Variants in NCALD observed in about 807,000 individuals in gnomAD.
The protein encoded by NCALD is neurocalcin-delta.
Under a neutral mutation model 18.6 loss-of-function variants are expected in NCALD, and 10 were observed. The observed-to-expected ratio is 0.54, with a 90% CI of 0.33 to 0.91. NCALD has a LOEUF of 0.91. NCALD is among the 40% of genes least tolerant of loss of function. The pLI, the probability that NCALD is intolerant of heterozygous loss-of-function variation, is 0.03. For missense variants in NCALD, 184 were observed against 247.6 expected (o/e 0.74, Z 1.72); for synonymous variants, 88 against 87.4 (o/e 1.01, Z -0.04).
chr8:101,715,272 C>T (rs1816021931), intron 2 of NCALD, among the ~76,000 whole-genome samples: 1 of 152,090 alleles, frequency 6.6e-6, no homozygotes, highest in South Asian at 2.1e-4. Flanking sequence ...AACTGGCTAG[C>T]CATATGCAGA....
intron 1 of NCALD, among the ~76,000 whole-genome samples, chr8:101,776,770 A>G (rs372204288): frequency 5.3e-5 from 8 of 152,194 alleles, no homozygotes; most frequent in East Asian, 1.9e-4. Context: ...GTACATTTGC[A>G]AAGAAGACTG....
At chr8:101,919,266 A>G (rs2131639999) in intron 2 of NCALD, among the ~76,000 whole-genome samples, 2 of 152,336 alleles carry the variant, frequency 1.3e-5, no homozygotes, top group East Asian at 3.9e-4. Context: ...GTCAACAAAA[A>G]GAAGCATCGG....
intron 2 of NCALD, among the ~76,000 whole-genome samples, chr8:101,925,578 G>A (rs980386445): frequency 2.0e-5 from 3 of 151,938 alleles, no homozygotes; most frequent in Non-Finnish European, 4.4e-5. Flanking sequence ...ATTTATTTAT[G>A]GCTGTCTCAC....
intron 2 of NCALD, among the ~76,000 whole-genome samples, chr8:101,700,118 T>C (rs4734585): frequency 0.46 from 69,968 of 151,518 alleles, 17,790 homozygotes; most frequent in African/African-American, 0.66. Context: ...TGGAGTGCAG[T>C]GATGCTATCA....
intron 1 of NCALD, among the ~76,000 whole-genome samples, chr8:102,037,504 A>T (rs1266769623): frequency 6.6e-6 from 1 of 152,034 alleles, no homozygotes; most frequent in African/African-American, 2.4e-5. Flanking sequence ...GTGTGTAGAT[A>T]GACATAATAC....
At chr8:101,764,606 A>G (rs1811267850) in intron 1 of NCALD, among the ~76,000 whole-genome samples, 3 of 152,102 alleles carry the variant, frequency 2.0e-5, no homozygotes, top group Admixed American at 2.0e-4. Context: ...GGAAAATGGG[A>G]TAGTTGTTGG....
upstream of NCALD, chr8:102,124,454 G>A (rs2132502109): frequency 1.3e-5 from 2 of 151,964 alleles, no homozygotes; most frequent in Admixed American, 6.6e-5. Context: ...CGGGGTTGCA[G>A]GGGGGCCAAG....
At chr8:101,837,858 T>C (rs1428822723) in intron 4 of NCALD, among the ~76,000 whole-genome samples, 2 of 152,226 alleles carry the variant, frequency 1.3e-5, no homozygotes, top group Admixed American at 1.3e-4. Context: ...AGGTGGCCTA[T>C]GTTTTATAGG....
At chr8:101,786,305 C>T (rs1012741268) in intron 1 of NCALD, among the ~76,000 whole-genome samples, 1 of 152,170 alleles carries the variant, frequency 6.6e-6, no homozygotes, top group Non-Finnish European at 1.5e-5. Context: ...TTCTCTATGC[C>T]AGCAGCATAT....
intron 1 of NCALD, among the ~76,000 whole-genome samples, chr8:102,117,446 G>A (rs148315248): frequency 2.0e-5 from 3 of 152,260 alleles, no homozygotes; most frequent in Non-Finnish European, 4.4e-5. Context: ...TACTGTCCTC[G>A]GCATCCGCCA....
intron 1 of NCALD, among the ~76,000 whole-genome samples, chr8:101,761,230 T>C (rs2130833269): frequency 6.6e-6 from 1 of 152,346 alleles, no homozygotes; most frequent in East Asian, 1.9e-4. Flanking sequence ...CTCTGTCTTT[T>C]AGTTCTCAAA....
chr8:101,803,744 A>C (rs111598655), intron 4 of NCALD, among the ~76,000 whole-genome samples: 2 of 152,200 alleles, frequency 1.3e-5, no homozygotes, highest in Non-Finnish European at 2.9e-5. Context: ...CAGTGGAGGA[A>C]GTAACTGCAG....
chr8:102,041,473 G>A (rs535508589), intron 1 of NCALD, among the ~76,000 whole-genome samples: 1 of 152,350 alleles, frequency 6.6e-6, no homozygotes, highest in African/African-American at 2.4e-5. Flanking sequence ...AGGATCTAAG[G>A]TGAACCAGAG....
At chr8:101,946,238 T>C (rs77785957) in intron 2 of NCALD, among the ~76,000 whole-genome samples, 3,618 of 152,306 alleles carry the variant, frequency 0.024, 148 homozygotes, top group African/African-American at 0.082. Context: ...ATTATTTAAA[T>C]ATTCAAGAAA....
chr8:101,891,782 C>T (rs1816900664), intron 3 of NCALD, among the ~76,000 whole-genome samples: 1 of 152,206 alleles, frequency 6.6e-6, no homozygotes, highest in Admixed American at 6.5e-5. Context: ...GTCACTCCCA[C>T]CCAAATATTG....
intron 3 of NCALD, chr8:101,692,181 G>A: frequency 1.0e-6 from 1 of 985,388 alleles, no homozygotes; most frequent in Non-Finnish European, 1.2e-6. Context: ...TCTTAAGTTG[G>A]AAATGCAACC....
intron 1 of NCALD, among the ~76,000 whole-genome samples, chr8:101,738,588 A>G (rs940317476): frequency 4.0e-5 from 6 of 151,878 alleles, no homozygotes; most frequent in Non-Finnish European, 5.9e-5. Context: ...AGAAGAAGAA[A>G]AAAAGAAAAT....
intron 2 of NCALD, among the ~76,000 whole-genome samples, chr8:101,966,737 T>A (rs1820047877): frequency 6.6e-6 from 1 of 152,134 alleles, no homozygotes; most frequent in African/African-American, 2.4e-5. Context: ...ATCTAAAACT[T>A]TCATATTCAG....
intron 1 of NCALD, among the ~76,000 whole-genome samples, chr8:101,764,410 C>T (rs1300687666): frequency 2.6e-5 from 4 of 152,200 alleles, no homozygotes; most frequent in Non-Finnish European, 4.4e-5. Context: ...CTGTTGGTCA[C>T]TGCCACTGGA....
Sources: gnomAD v4.1 joint callset for allele counts (sites outside exome capture counted in the v4.1 genomes callset) on GRCh38, gnomAD v4.1.1 for gene constraint, MANE v1.5 for transcripts, NCBI Gene and HGNC (gene_info 2026-07-23, HGNC 2026-07-21) for gene names.